Variants in RNH1 observed in about 807,000 individuals in gnomAD.
The protein encoded by RNH1 is ribonuclease inhibitor.
A neutral mutation model predicts 46.1 loss-of-function variants in RNH1; 38 were observed. The observed-to-expected ratio is 0.82, with a 90% CI of 0.64 to 1.08. RNH1 has a LOEUF of 1.08. Among genes scored for constraint, RNH1 ranks in the 50% least tolerant of loss-of-function variants. The pLI is 0.00. For synonymous variants in RNH1, 319 were observed against 279.1 expected (o/e 1.14, Z -1.43); for missense variants, 577 against 590.7 (o/e 0.98, Z 0.24).
chr11:498,276 C>T (rs981622201), intron 8 of RNH1, 135 bp from the exon 9 acceptor site: 10 of 1,250,788 alleles, frequency 8.0e-6, no homozygotes, highest in Middle Eastern at 2.6e-4. Context: ...GGCACCTACA[C>T]CTGGTCCTTG....
rs1308338764 is a variant in RNH1, at chr11:501,909, C to G, written c.101+153G>C. 6 of 611,448 alleles carry G rather than the reference C, an allele frequency of 9.8e-6. No homozygotes were observed. Among genetic ancestry groups the G allele is most frequent in the African/African-American group, 7.4e-5 (4 of 54,242 alleles). 37.9% of individuals were successfully genotyped at this position (611,448 alleles called of 1,614,324 possible). ...ATTCCTAAATTGTCAAAAAGAAACA[C>G]AAGAATCACATCTCATGCACGTGGT... On this transcript the variant is annotated intron_variant, in intron 3 of 10. Transcript: ENST00000354420. The surrounding 1 kb of genome is among the most constrained non-coding windows in gnomAD (Gnocchi z 4.1).
Position 498,012 on chromosome 11 carries a change from G to A in RNH1, c.1086C>T (p.Cys362=). ...CAGAGCCAGGCTGGCCCAGGCCCTG[G>A]CACAGCTCCCGCACGCCCGCATCCT... is the stretch of plus-strand genomic sequence containing the variant. The part of the protein sequence containing the change: ...RLEDAGVREL[C]QGLGQPGSVL... Residue 362 remains cysteine, a synonymous_variant, in exon 9 of 11, where the codon TGC becomes TGT. Coordinates refer to ENST00000354420, the MANE Select transcript of RNH1 (RefSeq NM_203387.3). The A allele has an allele frequency of 6.2e-7, 1 of 1,614,078 alleles. No individual in the cohort carries two copies. The highest frequency in any genetic ancestry group is 8.5e-7 in the Non-Finnish European group (1 of 1,180,026).
chr11:494,897 G>C lies in RNH1; in HGVS notation c.1284C>G (p.Leu428=). ...CGTGCACATACACCAGCTGCTCCAG[G>C]AGGCAGCCCGGCTGCCGGACGCTCT... is the stretch of plus-strand genomic sequence containing the variant. ...LVESVRQPGC[L]LEQLVLYDIY... is the part of the protein sequence containing the mutation. Residue 428 remains leucine, a synonymous_variant, in exon 10 of 11, where the codon CTC becomes CTG. Coordinates refer to ENST00000354420, the MANE Select transcript of RNH1 (RefSeq NM_203387.3). 6.2e-7 allele frequency: 1 copy of C among 1,611,894 alleles called. No individual in the cohort carries two copies. The highest frequency in any genetic ancestry group is 8.5e-7 in the Non-Finnish European group (1 of 1,179,360).
rs369744278 is a variant in RNH1, at chr11:502,753, G to A, written c.-87-504C>T. Reference sequence around the variant, plus strand: ...CCGAAGCAAGACAGAGCAGGGGGGCGGCCACTTGGGGTGTCAGCTTCCATG... The same window carrying A: ...CCGAAGCAAGACAGAGCAGGGGGGCAGCCACTTGGGGTGTCAGCTTCCATG... On this transcript the variant is annotated intron_variant, in intron 2 of 10. Transcript: ENST00000354420. This position sits in a 1 kb window ranked among gnomAD's most constrained non-coding sequence, Gnocchi z 5.8. The A allele has an allele frequency of 8.9e-4, 137 of 153,146 alleles. No homozygotes were observed. Among genetic ancestry groups the A allele is most frequent in the East Asian group, 3.6e-3 (19 of 5,274 alleles). The allele number at this position is 153,146 out of a possible 1,614,324, so 9.5% of individuals were successfully genotyped here. A position where few individuals can be genotyped will look rare whatever the true frequency, so the allele number is the denominator to read the frequency against.
intron 5 of RNH1, 138 bp from the exon 6 acceptor site, chr11:499,323 C>T: frequency 1.1e-6 from 1 of 900,490 alleles, no homozygotes; most frequent in Non-Finnish European, 1.7e-6. Context: ...CTGAGGGACC[C>T]CCACAGACTC....
Position 494,613 on chromosome 11 carries a change from G to A in RNH1, c.*78C>T. ...TCTTCAAACCTAGGATATGCAGGGTGAGAGCATGGCAGGGGCTGGTGGGCC... is the reference window on the plus strand; with the variant it reads ...TCTTCAAACCTAGGATATGCAGGGTAAGAGCATGGCAGGGGCTGGTGGGCC... On this transcript the variant is annotated 3_prime_UTR_variant, in exon 11 of 11. Coordinates refer to ENST00000354420, the MANE Select transcript of RNH1 (RefSeq NM_203387.3). The A allele has an allele frequency of 8.1e-7, 1 of 1,231,296 alleles. No homozygotes were observed. The highest frequency in any genetic ancestry group is 1.2e-5 in the South Asian group (1 of 82,234). 76.3% of individuals were successfully genotyped at this position (1,231,296 alleles called of 1,614,324 possible).
chr11:497,799 CCATGCTCACACTCATATGCTCACACA>C (rs1849304359), intron 9 of RNH1, among the ~76,000 whole-genome samples, 146 bp downstream of exon 9: 1 of 151,866 alleles, frequency 6.6e-6, no homozygotes, highest in African/African-American at 2.4e-5. Flanking sequence ...TCACGGACAC[CCATGCTCACACTCATATGCTCACACA>C]CGTGCTCACA....
At chr11:497,873 C>G (rs1047746989) in intron 9 of RNH1, 98 bp downstream of exon 9, 4 of 1,431,134 alleles carry the variant, frequency 2.8e-6, no homozygotes, top group Non-Finnish European at 2.9e-6. Context: ...CACACGGACA[C>G]TCGTGCTCAC....
At chr11:500,391 G>A (rs979931996) in intron 4 of RNH1, 93 bp downstream of exon 4, 12 of 1,426,866 alleles carry the variant, frequency 8.4e-6, no homozygotes, top group Non-Finnish European at 1.0e-5. Context: ...TCCACCTGCA[G>A]CTGCCCACGC....
chr11:497,431 G>GCT (rs765848027), intron 9 of RNH1, among the ~76,000 whole-genome samples: 2 of 131,484 alleles, frequency 1.5e-5, no homozygotes, highest in Non-Finnish European at 3.2e-5. Context: ...GGACACTCAT[G>GCT]CTCTCTCGCC....
Position 507,218 on chromosome 11 carries a change from G to C in RNH1, c.-366C>G, listed in dbSNP as rs1028035762. On this transcript the variant is annotated 5_prime_UTR_variant, in exon 1 of 11. Transcript: ENST00000354420. ...GTTGAACGTGTCGACAACCCCACCCGCCAGTCAGCGGCGCGGGCGTGTTCG... is the reference window on the plus strand; with the variant it reads ...GTTGAACGTGTCGACAACCCCACCCCCCAGTCAGCGGCGCGGGCGTGTTCG... 6.6e-6 allele frequency: 1 copy of C among 152,008 alleles called. No individual in the cohort carries two copies. The highest frequency in any genetic ancestry group is 2.4e-5 in the African/African-American group (1 of 41,422). 9.4% of individuals were successfully genotyped at this position (152,008 alleles called of 1,614,324 possible). A position where few individuals can be genotyped will look rare whatever the true frequency, so the allele number is the denominator to read the frequency against.
chr11:497,921 C>T (rs781491487), intron 9 of RNH1, 50 bp downstream of exon 9: 40 of 1,568,588 alleles, frequency 2.6e-5, no homozygotes, highest in Middle Eastern at 1.9e-4. Context: ...TGTGCACACA[C>T]GGGCATATGA....
At position 494,618 on chromosome 11, in the gene RNH1, C is replaced by T. The variant is rs987512732; in HGVS notation, c.*73G>A. 7.0e-6 allele frequency: 9 copies of T among 1,294,138 alleles called. No homozygotes were observed. The highest frequency in any genetic ancestry group is 1.0e-5 in the Non-Finnish European group (9 of 896,324). The allele number at this position is 1,294,138 out of a possible 1,614,324, so 80.2% of individuals were successfully genotyped here. A position where few individuals can be genotyped will look rare whatever the true frequency, so the allele number is the denominator to read the frequency against. On this transcript the variant is annotated 3_prime_UTR_variant, in exon 11 of 11. Coordinates refer to ENST00000354420, the MANE Select transcript of RNH1 (RefSeq NM_203387.3). Reference sequence around the variant, plus strand: ...AAACCTAGGATATGCAGGGTGAGAGCATGGCAGGGGCTGGTGGGCCCCAGG... The same window carrying T: ...AAACCTAGGATATGCAGGGTGAGAGTATGGCAGGGGCTGGTGGGCCCCAGG...
intron 5 of RNH1, chr11:499,607 G>T (rs987118798): frequency 1.1e-5 from 8 of 721,840 alleles, no homozygotes; most frequent in Non-Finnish European, 2.0e-5. Context: ...ACAACTGGAT[G>T]GGGAGGGAGG....
Position 500,646 on chromosome 11 carries a change from T to TC in RNH1, c.109dup (p.Asp37GlyfsTer142). On this transcript the variant is annotated frameshift_variant, in exon 4 of 11. Coordinates refer to ENST00000354420, the MANE Select transcript of RNH1 (RefSeq NM_203387.3). LOFTEE classifies it high-confidence loss of function. Reference sequence around the variant, plus strand: ...GCACCGTGCTTCCGTGAGGCCACAGTCGTCCAGCCTGTGAGCAGACCCCAG... The same window carrying TC: ...GCACCGTGCTTCCGTGAGGCCACAGTCCGTCCAGCCTGTGAGCAGACCCCAG... 1 of 1,605,262 alleles carries TC rather than the reference T, an allele frequency of 6.2e-7. No individual in the cohort carries two copies. The highest frequency in any genetic ancestry group is 8.5e-7 in the Non-Finnish European group (1 of 1,179,900).
intron 5 of RNH1, chr11:499,424 C>G (rs374428931): frequency 3.0e-6 from 2 of 675,978 alleles, no homozygotes; most frequent in Non-Finnish European, 5.4e-6. Flanking sequence ...CCCAACCAGG[C>G]CCGGGAGAAA....
At position 499,469 on chromosome 11, in the gene RNH1, G is replaced by A. The variant is rs780484062; in HGVS notation, c.444-284C>T. On this transcript the variant is annotated intron_variant, in intron 5 of 10. Coordinates refer to ENST00000354420, the MANE Select transcript of RNH1 (RefSeq NM_203387.3). ...CTCTGGAGGGCAGGGCCACCTGCAC[G>A]TCCCAGGCTGTGGTCAACTCACAAT... is the stretch of plus-strand genomic sequence containing the variant. 48 of 689,252 alleles carry A rather than the reference G, an allele frequency of 7.0e-5. 1 individual carries two copies. Among genetic ancestry groups the A allele is most frequent in the Middle Eastern group, 4.6e-4 (2 of 4,346 alleles). 42.7% of individuals were successfully genotyped at this position (689,252 alleles called of 1,614,324 possible).
rs374659443 is a variant in RNH1 at position 502,604 on chromosome 11, A to C, written c.-87-355T>G. On this transcript the variant is annotated intron_variant, in intron 2 of 10. Transcript: ENST00000354420. The surrounding 1 kb of genome is among the most constrained non-coding windows in gnomAD (Gnocchi z 5.8). Reference sequence around the variant, plus strand: ...AGCCTGGAGGCCCCAGCAGGGGAGCAAGGGGGTCTGTGGGCTTGACCTGTG... The same window carrying C: ...AGCCTGGAGGCCCCAGCAGGGGAGCCAGGGGGTCTGTGGGCTTGACCTGTG... 6.7e-5 allele frequency: 15 copies of C among 224,118 alleles called. No homozygotes were observed. The East Asian group carries it at 1.4e-3, about 20-fold the overall frequency. The allele number at this position is 224,118 out of a possible 1,614,324, so 13.9% of individuals were successfully genotyped here. A position where few individuals can be genotyped will look rare whatever the true frequency, so the allele number is the denominator to read the frequency against.
rs765995389 is a variant in RNH1, at chr11:502,520, G to A, written c.-87-271C>T. The A allele has an allele frequency of 4.5e-4, 162 of 356,780 alleles. 1 individual carries two copies. The highest frequency in any genetic ancestry group is 7.7e-4 in the Non-Finnish European group (143 of 186,490). 22.1% of individuals were successfully genotyped at this position (356,780 alleles called of 1,614,324 possible). On this transcript the variant is annotated intron_variant, in intron 2 of 10. Coordinates refer to ENST00000354420, the MANE Select transcript of RNH1 (RefSeq NM_203387.3). The surrounding 1 kb of genome is among the most constrained non-coding windows in gnomAD (Gnocchi z 5.8). ...ACAGAGGGCGGGACAGCAGCAGCCC[G>A]GGAAGCCCCTGCCTCTCATTTGCTT...
Sources: allele counts gnomAD v4.1 joint callset (sites outside exome capture counted in the v4.1 genomes callset), GRCh38; gene constraint gnomAD v4.1.1; non-coding constraint Gnocchi (gnomAD v3.1); transcripts MANE v1.5; gene names NCBI Gene and HGNC (gene_info 2026-07-23, HGNC 2026-07-21).